Variants in ATP9B observed in about 807,000 individuals in gnomAD.
ATP9B encodes probable phospholipid-transporting ATPase IIB.
In ATP9B, 110 loss-of-function variants were observed where a neutral mutation model predicts 146.1. That is an observed-to-expected ratio of 0.75 (90% CI 0.65 to 0.88). ATP9B has a LOEUF of 0.88. ATP9B is among the 40% of genes least tolerant of loss of function. ATP9B has a pLI of 0.00. For missense variants in ATP9B, 1,499 were observed against 1,496.4 expected, an observed-to-expected ratio of 1.00 and a Z score of -0.03; for synonymous variants, 604 against 569.7, an observed-to-expected ratio of 1.06 and a Z score of -0.86.
intron 15 of ATP9B, among the ~76,000 whole-genome samples, chr18:79,327,723 G>GCT (rs1300297884): frequency 8.6e-6 from 1 of 115,998 alleles, no homozygotes; most frequent in African/African-American, 3.4e-5. Context: ...TGGTTAGCGT[G>GCT]CTCGCCGTGG....
intron 17 of ATP9B, among the ~76,000 whole-genome samples, chr18:79,333,416 AC>A (rs1469888019): frequency 6.6e-6 from 1 of 152,210 alleles, no homozygotes; most frequent in Non-Finnish European, 1.5e-5. Context: ...CATTGCACAA[AC>A]CAGGTTTACT....
At chr18:79,253,841 T>C (rs1000012026) in intron 12 of ATP9B, 1 of 237,538 alleles carries the variant, frequency 4.2e-6, no homozygotes, top group Non-Finnish European at 8.0e-6. Flanking sequence ...ACAAAATTAG[T>C]TTTGTTTTTT....
intron 11 of ATP9B, among the ~76,000 whole-genome samples, chr18:79,224,464 G>T (rs1008387052): frequency 1.3e-5 from 2 of 152,136 alleles, no homozygotes; most frequent in Non-Finnish European, 2.9e-5. Flanking sequence ...AGGGAGAGTC[G>T]GTATCACCTT....
intron 10 of ATP9B, among the ~76,000 whole-genome samples, chr18:79,210,152 A>G (rs558619646): frequency 3.3e-5 from 5 of 152,170 alleles, no homozygotes; most frequent in Non-Finnish European, 7.3e-5. Flanking sequence ...CGGAGGTTTC[A>G]CTTCCCATGT....
chr18:79,327,647 A>G (rs71359450), intron 15 of ATP9B, among the ~76,000 whole-genome samples: 8,314 of 30,092 alleles, frequency 0.28, 1,652 homozygotes, highest in African/African-American at 0.47. Flanking sequence ...CCTGGTTAGC[A>G]TGCTCTCCGT....
At chr18:79,245,838 C>G (rs1476955148) in intron 11 of ATP9B, among the ~76,000 whole-genome samples, 1 of 148,168 alleles carries the variant, frequency 6.7e-6, no homozygotes, top group East Asian at 2.1e-4. Flanking sequence ...GGGCACCACC[C>G]TACTGACTGC....
chr18:79,166,065 A>G (rs952413215), intron 7 of ATP9B, among the ~76,000 whole-genome samples: 1 of 152,146 alleles, frequency 6.6e-6, no homozygotes, highest in Non-Finnish European at 1.5e-5. Flanking sequence ...CCCAGCTCCA[A>G]TGCCATACTC....
At chr18:79,079,960 T>C (rs895089446) in intron 1 of ATP9B, among the ~76,000 whole-genome samples, 2 of 152,332 alleles carry the variant, frequency 1.3e-5, no homozygotes, top group African/African-American at 4.8e-5. Flanking sequence ...TGGTTTTCGA[T>C]GTGTGGCGTT....
At chr18:79,101,358 T>C (rs372382775) in intron 2 of ATP9B, among the ~76,000 whole-genome samples, 5 of 152,222 alleles carry the variant, frequency 3.3e-5, no homozygotes, top group African/African-American at 1.2e-4. Context: ...TGTAGTGATA[T>C]CTGTATTATG....
intron 12 of ATP9B, among the ~76,000 whole-genome samples, chr18:79,256,696 G>A (rs2096084963): frequency 1.3e-5 from 2 of 151,934 alleles, no homozygotes; most frequent in African/African-American, 4.8e-5. Context: ...AATATTTTAA[G>A]TCAGCTCATC....
intron 1 of ATP9B, among the ~76,000 whole-genome samples, chr18:79,070,929 T>C (rs1306469270): frequency 6.6e-6 from 1 of 152,228 alleles, no homozygotes; most frequent in Admixed American, 6.5e-5. Flanking sequence ...TATGCCATTC[T>C]CTTTTGATTG....
intron 8 of ATP9B, among the ~76,000 whole-genome samples, chr18:79,182,488 C>T (rs2095262327): frequency 6.6e-6 from 1 of 152,168 alleles, no homozygotes; most frequent in African/African-American, 2.4e-5. Flanking sequence ...CCTCCCTCTG[C>T]CTGGCTTCTG....
intron 2 of ATP9B, among the ~76,000 whole-genome samples, chr18:79,107,612 AGCTTCCATAGG>A (rs1279784590): frequency 6.6e-6 from 1 of 152,162 alleles, no homozygotes; most frequent in Non-Finnish European, 1.5e-5. Context: ...CAGACCAAGG[AGCTTCCATAGG>A]GTCACTTGCT....
intron 5 of ATP9B, among the ~76,000 whole-genome samples, chr18:79,128,333 C>T (rs1466385252): frequency 6.6e-6 from 1 of 152,212 alleles, no homozygotes; most frequent in African/African-American, 2.4e-5. Flanking sequence ...GCTGGGATTA[C>T]AGGCGTGAGC....
chr18:79,069,858 C>T (rs183698081), intron 1 of ATP9B, among the ~76,000 whole-genome samples: 67 of 152,346 alleles, frequency 4.4e-4, no homozygotes, highest in Admixed American at 2.0e-3. Flanking sequence ...GCTAACTTCT[C>T]GGATACTTCA....
Position 79,126,395 on chromosome 18 carries a change from C to A in ATP9B, c.667+20C>A. ...TAAGAGGTCAGCAAGATGCTTTAATCCTGCTTAGCGTTTGCTTACTGTAAT... is the reference window on the plus strand; with the variant it reads ...TAAGAGGTCAGCAAGATGCTTTAATACTGCTTAGCGTTTGCTTACTGTAAT... On this transcript the variant is annotated intron_variant, in intron 5 of 29. Transcript: ENST00000426216. 1 of 1,546,458 alleles carries A rather than the reference C, an allele frequency of 6.5e-7. No individual in the cohort carries two copies. Among genetic ancestry groups the A allele is most frequent in the Non-Finnish European group, 8.9e-7 (1 of 1,122,988 alleles).
intron 7 of ATP9B, among the ~76,000 whole-genome samples, chr18:79,154,915 A>T (rs2094751015): frequency 6.6e-6 from 1 of 152,232 alleles, no homozygotes; most frequent in African/African-American, 2.4e-5. Flanking sequence ...ATTATATTTA[A>T]TTGTCAATAT....
intron 17 of ATP9B, among the ~76,000 whole-genome samples, chr18:79,330,420 C>CTT (rs749986034): frequency 4.9e-5 from 7 of 142,974 alleles, no homozygotes; most frequent in Non-Finnish European, 7.7e-5. Context: ...ATAGTTTACC[C>CTT]TTTTTTTTTT....
chr18:79,154,639 T>C, intron 7 of ATP9B, 84 bp downstream of exon 7: 2 of 885,734 alleles, frequency 2.3e-6, no homozygotes, highest in Non-Finnish European at 3.3e-6. Flanking sequence ...GAAAAACTGT[T>C]TTCCTTACAT....
Sources: allele counts gnomAD v4.1 joint callset (sites outside exome capture counted in the v4.1 genomes callset), GRCh38; gene constraint gnomAD v4.1.1; transcripts MANE v1.5; gene names NCBI Gene and HGNC (gene_info 2026-07-23, HGNC 2026-07-21).